TMEM65: variants seen among roughly 807,000 people sequenced by gnomAD.
The protein encoded by TMEM65 is transmembrane protein 65.
A neutral mutation model predicts 25.4 loss-of-function variants in TMEM65; 22 were observed. The ratio of observed to expected loss-of-function variants is 0.86; its 90% confidence interval spans 0.62 to 1.23. The LOEUF is 1.23. Ranked by LOEUF, TMEM65 falls within the 50% of genes most tolerant of loss-of-function variation. The pLI, the probability that TMEM65 is intolerant of heterozygous loss-of-function variation, is 0.00. For synonymous variants in TMEM65, 132 were observed against 126.2 expected, an observed-to-expected ratio of 1.05 and a Z score of -0.31; for missense variants, 262 against 308.2, an observed-to-expected ratio of 0.85 and a Z score of 1.12.
At chr8:124,349,821 A>G (rs909591905) in intron 1 of TMEM65, among the ~76,000 whole-genome samples, 1 of 152,138 alleles carries the variant, frequency 6.6e-6, no homozygotes, top group Non-Finnish European at 1.5e-5. Context: ...GTTATCATTC[A>G]GCAGCTCCTG....
intron 1 of TMEM65, among the ~76,000 whole-genome samples, chr8:124,348,480 T>C (rs1814667416): frequency 6.6e-6 from 1 of 152,044 alleles, no homozygotes; most frequent in African/African-American, 2.4e-5. Context: ...AAAACAATAG[T>C]ACAACTTAAA....
intron 1 of TMEM65, among the ~76,000 whole-genome samples, chr8:124,364,522 A>G (rs1814913858): frequency 6.6e-6 from 1 of 152,230 alleles, no homozygotes; most frequent in Non-Finnish European, 1.5e-5. Flanking sequence ...TATTGTATTA[A>G]AATATAGTAT....
chr8:124,372,220 G>A lies in TMEM65; in HGVS notation c.-63C>T, dbSNP rs2131237468. On this transcript the variant is annotated 5_prime_UTR_variant, in exon 1 of 7. Transcript: ENST00000297632. ...CAAGGCGGTTTCTGGCGCGGCTGAGGCGAGAAGGAGCTGGGCTCAGCTCGA... is the reference window on the plus strand; with the variant it reads ...CAAGGCGGTTTCTGGCGCGGCTGAGACGAGAAGGAGCTGGGCTCAGCTCGA... 1 of 1,226,160 alleles carries A rather than the reference G, an allele frequency of 8.2e-7. No individual in the cohort carries two copies. Among genetic ancestry groups the A allele is most frequent in the Non-Finnish European group, 1.0e-6 (1 of 975,568 alleles). 76.0% of individuals were successfully genotyped at this position (1,226,160 alleles called of 1,614,324 possible).
intron 1 of TMEM65, among the ~76,000 whole-genome samples, chr8:124,356,235 T>C (rs1184483185): frequency 6.6e-6 from 1 of 152,082 alleles, no homozygotes; most frequent in African/African-American, 2.4e-5. Context: ...CCTTCTTAAA[T>C]AAGGAAGGCT....
chr8:124,331,983 G>A (rs890702918), intron 1 of TMEM65, among the ~76,000 whole-genome samples: 3 of 151,888 alleles, frequency 2.0e-5, no homozygotes, highest in South Asian at 2.1e-4. Context: ...CTAAAACCTC[G>A]AGTTTAATTA....
At chr8:124,360,851 T>A (rs564563955) in intron 1 of TMEM65, among the ~76,000 whole-genome samples, 6 of 152,246 alleles carry the variant, frequency 3.9e-5, no homozygotes, top group Admixed American at 1.3e-4. Context: ...AAATTATTTA[T>A]GAAAGCTGTA....
At chr8:124,318,384 T>G (rs1365629980) in intron 6 of TMEM65, among the ~76,000 whole-genome samples, 6 of 133,304 alleles carry the variant, frequency 4.5e-5, no homozygotes, top group African/African-American at 1.4e-4. Context: ...TTTTTTTTTT[T>G]TTTTTTTTGA....
intron 6 of TMEM65, among the ~76,000 whole-genome samples, chr8:124,317,745 G>A (rs1814255832): frequency 6.6e-6 from 1 of 152,144 alleles, no homozygotes; most frequent in Admixed American, 6.5e-5. Context: ...TTACTCCTGT[G>A]ATTATATTAC....
At chr8:124,337,155 A>G (rs777052335) in intron 1 of TMEM65, among the ~76,000 whole-genome samples, 4 of 150,600 alleles carry the variant, frequency 2.7e-5, no homozygotes, top group Non-Finnish European at 4.4e-5. Context: ...GCACACACAC[A>G]CACCCCTTCC....
intron 1 of TMEM65, among the ~76,000 whole-genome samples, chr8:124,341,109 AAG>A (rs1295043664): frequency 6.6e-6 from 1 of 152,006 alleles, no homozygotes; most frequent in African/African-American, 2.4e-5. Context: ...TACTAGAAAT[AAG>A]AGAAATAATT....
At chr8:124,325,470 C>T (rs1272357519) in intron 3 of TMEM65, among the ~76,000 whole-genome samples, 1 of 151,912 alleles carries the variant, frequency 6.6e-6, no homozygotes, top group East Asian at 1.9e-4. Flanking sequence ...TTTGCCACAC[C>T]TACTACTCTT....
chr8:124,332,141 TA>T (rs1814440621), intron 1 of TMEM65, among the ~76,000 whole-genome samples: 2 of 152,188 alleles, frequency 1.3e-5, no homozygotes, highest in Non-Finnish European at 2.9e-5. Flanking sequence ...TTAGCATCAT[TA>T]ACTCAAAATC....
intron 1 of TMEM65, among the ~76,000 whole-genome samples, chr8:124,367,048 A>G (rs915610665): frequency 1.3e-5 from 2 of 152,138 alleles, no homozygotes; most frequent in Admixed American, 6.5e-5. Context: ...CCTTTTTACT[A>G]TCTCAACAAA....
intron 1 of TMEM65, among the ~76,000 whole-genome samples, chr8:124,332,469 C>A (rs1814444026): frequency 1.3e-5 from 2 of 152,042 alleles, no homozygotes; most frequent in South Asian, 4.1e-4. Context: ...AAATATTCTA[C>A]AACAGCGAAG....
chr8:124,327,478 C>CA (rs1814379347), intron 2 of TMEM65, 57 bp from the exon 3 acceptor site: 1 of 1,139,040 alleles, frequency 8.8e-7, no homozygotes, highest in Non-Finnish European at 1.3e-6. Flanking sequence ...CTTAGAATGA[C>CA]AAAAACAGAT....
intron 3 of TMEM65, among the ~76,000 whole-genome samples, chr8:124,325,284 A>T (rs1354368464): frequency 1.3e-5 from 2 of 151,980 alleles, no homozygotes; most frequent in African/African-American, 4.8e-5. Flanking sequence ...GTTGATCAGT[A>T]TTTTTTTAAT....
rs909537903 is a variant in TMEM65 at position 124,310,809 on chromosome 8, G to A, written c.*3151C>T. ...CAACTGAGAAAAAAAGCAGATTAGA[G>A]AGATAAAAGTTGCCAGAAGCAAGAT... On this transcript the variant is annotated 3_prime_UTR_variant, in exon 7 of 7. Transcript: ENST00000297632. 1 of 151,542 alleles carries A rather than the reference G, an allele frequency of 6.6e-6. No homozygotes were observed. Among genetic ancestry groups the A allele is most frequent in the Non-Finnish European group, 1.5e-5 (1 of 67,882 alleles). 9.4% of individuals were successfully genotyped at this position (151,542 alleles called of 1,614,324 possible). A position where few individuals can be genotyped will look rare whatever the true frequency, so the allele number is the denominator to read the frequency against.
intron 2 of TMEM65, 78 bp downstream of exon 2, chr8:124,330,670 G>A (rs746791954): frequency 7.4e-7 from 1 of 1,345,398 alleles, no homozygotes; most frequent in Non-Finnish European, 1.0e-6. Context: ...TGACTCTTCT[G>A]TGCTATCAAT....
rs146382797 is a variant in TMEM65, at chr8:124,345,734, ATTATTTAT to A, written c.305-14950_305-14943del. The stretch of plus-strand genomic sequence containing the variant: ...GGTAATTTATAAAGAAAGGAGGTTT[ATTATTTAT>A]TTATTTATTTATTTATTTTGAGATG... On this transcript the variant is annotated intron_variant, in intron 1 of 6. Coordinates refer to ENST00000297632, the MANE Select transcript of TMEM65 (RefSeq NM_194291.3). Among the ~76,000 whole-genome samples, 15 of 150,236 alleles carry A rather than the reference ATTATTTAT, an allele frequency of 1.0e-4. No homozygotes were observed. The East Asian group carries it at 2.4e-3, about 24-fold the overall frequency.
Sources: gnomAD v4.1 joint callset for allele counts (sites outside exome capture counted in the v4.1 genomes callset) on GRCh38, gnomAD v4.1.1 for gene constraint, MANE v1.5 for transcripts, NCBI Gene and HGNC (gene_info 2026-07-23, HGNC 2026-07-21) for gene names.